CYRIB: variants seen among roughly 807,000 people sequenced by gnomAD.
CYRIB encodes CYFIP related Rac1 interactor B.
In CYRIB, 8 loss-of-function variants were observed where a neutral mutation model predicts 44.2. The observed-to-expected ratio is 0.18, with a 90% CI of 0.11 to 0.33. CYRIB has a LOEUF of 0.33. CYRIB is among the 10% of genes least tolerant of loss of function. The pLI is 1.00. For missense variants in CYRIB, 185 were observed against 382.8 expected, an observed-to-expected ratio of 0.48 and a Z score of 4.31; for synonymous variants, 131 against 127.2, an observed-to-expected ratio of 1.03 and a Z score of -0.20.
intron 11 of CYRIB, 61 bp from the exon 14 acceptor site, chr8:129,842,266 T>C: frequency 1.7e-6 from 2 of 1,186,982 alleles, no homozygotes. Flanking sequence ...AGCATCGGGT[T>C]CTCTAATTAT....
intron 1 of CYRIB, among the ~76,000 whole-genome samples, chr8:129,930,094 C>A (rs1390924248): frequency 6.6e-6 from 1 of 151,578 alleles, no homozygotes; most frequent in African/African-American, 2.4e-5. Context: ...GCCTGTAATC[C>A]CAGCTACTCA....
intron 2 of CYRIB, among the ~76,000 whole-genome samples, chr8:129,891,959 A>G (rs2065620075): frequency 6.6e-6 from 1 of 152,198 alleles, no homozygotes; most frequent in Non-Finnish European, 1.5e-5. Context: ...ACACAATAAA[A>G]TAGTATTAGA....
intron 1 of CYRIB, among the ~76,000 whole-genome samples, chr8:129,973,331 C>T (rs968997156): frequency 1.3e-5 from 2 of 152,182 alleles, no homozygotes; most frequent in African/African-American, 4.8e-5. Context: ...CAGAGCTCTC[C>T]GCACAGGCAA....
chr8:129,871,276 AAT>A, intron 4 of CYRIB, 97 bp downstream of exon 6: 1 of 1,333,006 alleles, frequency 7.5e-7, no homozygotes, highest in Non-Finnish European at 1.0e-6. Flanking sequence ...TATAATACTT[AAT>A]ATGAAATATA....
intron 1 of CYRIB, among the ~76,000 whole-genome samples, chr8:129,906,704 C>T (rs2075588515): frequency 1.3e-5 from 2 of 152,160 alleles, no homozygotes; most frequent in African/African-American, 4.8e-5. Context: ...ATCTACTCAT[C>T]TGACAAAGGG....
intron 1 of CYRIB, among the ~76,000 whole-genome samples, chr8:129,937,881 T>C (rs2093083813): frequency 6.8e-6 from 1 of 147,592 alleles, no homozygotes; most frequent in Non-Finnish European, 1.5e-5. Context: ...CAAATACACA[T>C]TCTCTCTCTC....
At chr8:129,926,660 C>A (rs1291497450) in intron 1 of CYRIB, among the ~76,000 whole-genome samples, 2 of 152,130 alleles carry the variant, frequency 1.3e-5, no homozygotes, top group Non-Finnish European at 2.9e-5. Flanking sequence ...ACCTTGTAAC[C>A]CCTCAATGAA....
At chr8:129,913,881 C>T (rs143346348) in intron 1 of CYRIB, among the ~76,000 whole-genome samples, 1 of 152,248 alleles carries the variant, frequency 6.6e-6, no homozygotes, top group African/African-American at 2.4e-5. Flanking sequence ...ATTGTATAGA[C>T]CATAACCATA....
At chr8:130,006,627 T>TATACATATATATGTGTATATATAC (rs1554785151) in intron 1 of CYRIB, among the ~76,000 whole-genome samples, 4 of 7,542 alleles carry the variant, frequency 5.3e-4, no homozygotes, top group African/African-American at 1.6e-3. Flanking sequence ...TGTATATATA[T>TATACATATATATGTGTATATATAC]ACATATATAT....
At chr8:129,979,473 T>C (rs1591637325) in intron 1 of CYRIB, among the ~76,000 whole-genome samples, 1 of 152,194 alleles carries the variant, frequency 6.6e-6, no homozygotes, top group East Asian at 1.9e-4. Context: ...GAACCACTAT[T>C]AGCTGGAAAC....
chr8:129,969,266 G>A (rs1255625770), intron 2 of CYRIB, among the ~76,000 whole-genome samples: 4 of 152,066 alleles, frequency 2.6e-5, no homozygotes, highest in African/African-American at 9.7e-5. Context: ...TGCCTGCCTT[G>A]GCCTCCCAAA....
intron 11 of CYRIB, among the ~76,000 whole-genome samples, chr8:129,844,776 G>A (rs1259244874): frequency 6.6e-6 from 1 of 152,162 alleles, no homozygotes; most frequent in East Asian, 1.9e-4. Flanking sequence ...TGTAACACTC[G>A]TGTAGTACTT....
intron 5 of CYRIB, among the ~76,000 whole-genome samples, chr8:129,860,280 T>C (rs1204527746): frequency 1.3e-5 from 2 of 152,190 alleles, no homozygotes; most frequent in African/African-American, 4.8e-5. Context: ...TGGGATATGC[T>C]AAAAGACCAA....
chr8:129,855,632 T>G, exon 6 of CYRIB: 1 of 1,613,992 alleles, frequency 6.2e-7, no homozygotes, highest in East Asian at 2.2e-5. Context: ...CAAACCGGAG[T>G]GTGAAATGAA....
intron 2 of CYRIB, among the ~76,000 whole-genome samples, chr8:129,950,911 C>T (rs80134279): frequency 0.22 from 32,710 of 152,124 alleles, 5,375 homozygotes; most frequent in African/African-American, 0.46. Flanking sequence ...GGGGGCAGTA[C>T]GATTTTGAGC....
intron 1 of CYRIB, among the ~76,000 whole-genome samples, chr8:129,916,355 C>T (rs1563882335): frequency 1.3e-5 from 2 of 152,140 alleles, no homozygotes; most frequent in East Asian, 3.9e-4. Context: ...TACCTGAGTA[C>T]CTAATATTAG....
At chr8:129,891,340 G>C (rs907710396) in intron 2 of CYRIB, among the ~76,000 whole-genome samples, 1 of 152,180 alleles carries the variant, frequency 6.6e-6, no homozygotes, top group Admixed American at 6.5e-5. Context: ...TTCCTGGTTG[G>C]AATTTGACTG....
intron 8 of CYRIB, 157 bp downstream of exon 10, chr8:129,852,005 T>C: frequency 2.4e-6 from 1 of 425,196 alleles, no homozygotes; most frequent in Non-Finnish European, 4.2e-6. Flanking sequence ...TGGACAGGTG[T>C]GCACATGTGG....
At chr8:129,994,396 A>G (rs2096720964) in intron 1 of CYRIB, among the ~76,000 whole-genome samples, 1 of 152,158 alleles carries the variant, frequency 6.6e-6, no homozygotes, top group Non-Finnish European at 1.5e-5. Context: ...TTGAGTCCCC[A>G]GTTTGTGAGA....
Sources: allele counts gnomAD v4.1 joint callset (sites outside exome capture counted in the v4.1 genomes callset), GRCh38; gene constraint gnomAD v4.1.1; transcripts MANE v1.5; gene names NCBI Gene and HGNC (gene_info 2026-07-23, HGNC 2026-07-21).